Variants in DDO observed in about 807,000 individuals in gnomAD.
DDO encodes D-aspartate oxidase.
In DDO, 16 loss-of-function variants were observed where a neutral mutation model predicts 16.8. That is an observed-to-expected ratio of 0.95 (90% CI 0.65 to 1.45). The LOEUF is 1.45. DDO is among the 40% of genes most tolerant of loss of function. The pLI, the probability that DDO is intolerant of heterozygous loss-of-function variation, is 0.00. For synonymous variants in DDO, 180 were observed against 167.2 expected, an observed-to-expected ratio of 1.08 and a Z score of -0.59; for missense variants, 429 against 420.3, an observed-to-expected ratio of 1.02 and a Z score of -0.18.
At chr6:110,412,272 A>G (rs944694395) in intron 2 of DDO, among the ~76,000 whole-genome samples, 5 of 151,438 alleles carry the variant, frequency 3.3e-5, no homozygotes, top group Admixed American at 2.0e-4. Context: ...AAAAAAATCC[A>G]TGCATCTTCA....
downstream of DDO, among the ~76,000 whole-genome samples, chr6:110,389,444 C>T (rs1184995204): frequency 1.3e-5 from 2 of 152,188 alleles, no homozygotes; most frequent in Non-Finnish European, 2.9e-5. Context: ...GACTAATATA[C>T]CAGTCAAATG....
intron 4 of DDO, among the ~76,000 whole-genome samples, chr6:110,400,213 A>T (rs1773433679): frequency 6.6e-6 from 1 of 152,248 alleles, no homozygotes; most frequent in African/African-American, 2.4e-5. Context: ...CTAGAAGGCG[A>T]TGCTTTGGAA....
At chr6:110,405,081 G>A in intron 3 of DDO, 131 bp from the exon 4 acceptor site, 2 of 924,284 alleles carry the variant, frequency 2.2e-6, no homozygotes, top group South Asian at 3.5e-5. Flanking sequence ...CCATCACCCA[G>A]GTGGGAGTGC....
At chr6:110,404,578 T>C (rs914590623) in intron 4 of DDO, among the ~76,000 whole-genome samples, 196 bp downstream of exon 4, 1 of 152,200 alleles carries the variant, frequency 6.6e-6, no homozygotes, top group Non-Finnish European at 1.5e-5. Context: ...ACTAGAAGCA[T>C]GGTGTGACTT....
chr6:110,389,634 G>A (rs969574676), downstream of DDO, among the ~76,000 whole-genome samples: 1 of 152,166 alleles, frequency 6.6e-6, no homozygotes. Flanking sequence ...TTAACTAGAA[G>A]CAAAGCATCC....
intron 3 of DDO, among the ~76,000 whole-genome samples, chr6:110,406,651 C>A (rs1269180392): frequency 1.3e-5 from 2 of 152,218 alleles, no homozygotes; most frequent in African/African-American, 2.4e-5. Context: ...CAGTCCCTCC[C>A]ACACACCACA....
intron 4 of DDO, among the ~76,000 whole-genome samples, chr6:110,399,135 C>T (rs996605440): frequency 1.3e-5 from 2 of 152,180 alleles, no homozygotes; most frequent in African/African-American, 4.8e-5. Flanking sequence ...GTGATTCAAA[C>T]TCTGTGGGGT....
chr6:110,408,495 A>G, intron 2 of DDO, 53 bp from the exon 3 acceptor site: 1 of 1,515,622 alleles, frequency 6.6e-7, no homozygotes, highest in Non-Finnish European at 9.1e-7. Flanking sequence ...GATGATAATG[A>G]CAGTGCTTCA....
At chr6:110,398,032 A>T (rs1390569721) in intron 4 of DDO, among the ~76,000 whole-genome samples, 1 of 152,220 alleles carries the variant, frequency 6.6e-6, no homozygotes, top group Admixed American at 6.5e-5. Flanking sequence ...TACAAGAAGC[A>T]TGATGACTTT....
Position 110,393,295 on chromosome 6 carries a change from A to G in DDO, c.506T>C (p.Leu169Pro). The G allele has an allele frequency of 1.9e-6, 3 of 1,611,996 alleles. No individual in the cohort carries two copies. The highest frequency in any genetic ancestry group is 1.7e-6 in the Non-Finnish European group (2 of 1,178,288). ...GWTLTRRIED[L>P]WELHPSFDIV... is the part of the protein sequence containing the mutation. ...GTCAAAGGACGGATGAAGTTCCCAC[A>G]GGTCTTCTATTCGCCGAGTGAGTGT... Residue 169 changes from leucine to proline, a missense_variant, in exon 5 of 5, where the codon CTG (leucine) becomes CCG (proline). Leu to Pro is a moderately conservative substitution (Grantham distance 98). Transcript: ENST00000368924.
chr6:110,398,383 T>TAC (rs372325600), intron 4 of DDO, among the ~76,000 whole-genome samples: 4,399 of 110,178 alleles, frequency 0.04, 71 homozygotes, highest in East Asian at 0.054. Context: ...CTTAAATGCG[T>TAC]ACACACACAC....
At position 110,412,737 on chromosome 6, in the gene DDO, T is replaced by A. The variant is rs189003664; in HGVS notation, c.172+554A>T. ...AAGCTGGCCCCTTGCTGATGCTCAA[T>A]CCACATGTAGTGTGAGCAAGAACAA... On this transcript the variant is annotated intron_variant, in intron 2 of 4. Transcript: ENST00000368924. 3.7e-3 allele frequency among the ~76,000 whole-genome samples: 566 copies of A among 152,358 alleles called. 5 individuals carry two copies. Among genetic ancestry groups the A allele is most frequent in the African/African-American group, 0.013 (526 of 41,586 alleles).
At chr6:110,406,274 TAC>T (rs1773652182) in intron 3 of DDO, among the ~76,000 whole-genome samples, 1 of 152,256 alleles carries the variant, frequency 6.6e-6, no homozygotes, top group South Asian at 2.1e-4. Context: ...CTCATGCATT[TAC>T]ACACACATGC....
At position 110,393,031 on chromosome 6, in the gene DDO, C is replaced by G; in HGVS notation, c.770G>C (p.Arg257Pro). ...DAENSREILS[R>P]CCALEPSLHG... ...GAGGGAGGGCTCCAGAGCACAGCAT[C>G]GGGAAAGAATCTCTCTGCTATTTTC... Residue 257 changes from arginine (R) to proline (P), a missense_variant, in exon 5 of 5, where the codon CGA becomes CCA. Arg to Pro is a moderately radical substitution (Grantham distance 103). Coordinates refer to ENST00000368924, the MANE Select transcript of DDO (RefSeq NM_001372108.2). 2 of 1,611,344 alleles carry G rather than the reference C, an allele frequency of 1.2e-6. No homozygotes were observed. The highest frequency in any genetic ancestry group is 2.2e-5 in the South Asian group (2 of 91,046).
chr6:110,399,442 G>T (rs1229241338), intron 4 of DDO, among the ~76,000 whole-genome samples: 1 of 152,244 alleles, frequency 6.6e-6, no homozygotes, highest in East Asian at 1.9e-4. Context: ...AGCAAACAGA[G>T]ATTGTGTGGC....
intron 1 of DDO, 52 bp from the exon 2 acceptor site, chr6:110,413,518 CCAGA>C (rs747119867): frequency 1.9e-6 from 3 of 1,580,718 alleles, no homozygotes; most frequent in South Asian, 1.2e-5. Context: ...ATTTTCCCAT[CCAGA>C]CAAAGTTTGG....
chr6:110,415,120 G>C (rs920071905), intron 1 of DDO, among the ~76,000 whole-genome samples: 2 of 152,252 alleles, frequency 1.3e-5, no homozygotes, highest in African/African-American at 4.8e-5. Context: ...GGCCTGCCAG[G>C]GCTGAGGGAA....
In DDO at chr6:110,392,430, G is replaced by A. The variant is rs568914516; in HGVS notation, c.*345C>T. 1.2e-5 allele frequency: 12 copies of A among 1,020,450 alleles called. No individual in the cohort carries two copies. The African/African-American group carries it at 2.0e-4, about 17-fold the overall frequency. 63.2% of individuals were successfully genotyped at this position (1,020,450 alleles called of 1,614,324 possible). On this transcript the variant is annotated 3_prime_UTR_variant, in exon 5 of 5. Transcript: ENST00000368924. ...TAAGAAGTATTTTTAACAAAAAATAGAGCTTTATGCCCTATGCCATTAATG... is the reference window on the plus strand; with the variant it reads ...TAAGAAGTATTTTTAACAAAAAATAAAGCTTTATGCCCTATGCCATTAATG...
At chr6:110,403,662 T>G (rs1412458713) in intron 4 of DDO, among the ~76,000 whole-genome samples, 1 of 152,200 alleles carries the variant, frequency 6.6e-6, no homozygotes, top group Non-Finnish European at 1.5e-5. Context: ...AAAACTAGAT[T>G]ACGATGCCAC....
Sources: allele counts gnomAD v4.1 joint callset (sites outside exome capture counted in the v4.1 genomes callset), GRCh38; gene constraint gnomAD v4.1.1; transcripts MANE v1.5; gene names NCBI Gene and HGNC (gene_info 2026-07-23, HGNC 2026-07-21).